Variants in KCNK2 observed in about 807,000 individuals in gnomAD.
KCNK2 encodes potassium two pore domain channel subfamily K member 2.
Under a neutral mutation model 40.5 loss-of-function variants are expected in KCNK2, and 21 were observed. The observed-to-expected ratio is 0.52, with a 90% CI of 0.37 to 0.75. The LOEUF (loss-of-function observed/expected upper bound fraction) is 0.75. KCNK2 is among the 30% of genes least tolerant of loss of function. KCNK2 has a pLI of 0.00. For synonymous variants in KCNK2, 191 were observed against 202.2 expected (o/e 0.94, Z 0.47); for missense variants, 399 against 531.6 (o/e 0.75, Z 2.45).
intron 6 of KCNK2, among the ~76,000 whole-genome samples, chr1:215,231,480 T>TAAC (rs1314380049): frequency 1.3e-5 from 2 of 152,172 alleles, no homozygotes; most frequent in African/African-American, 4.8e-5. Flanking sequence ...TTAAATATAT[T>TAAC]AACTTATTTG....
At chr1:215,089,247 A>G (rs368808719) in intron 2 of KCNK2, among the ~76,000 whole-genome samples, 2 of 152,210 alleles carry the variant, frequency 1.3e-5, no homozygotes, top group East Asian at 1.9e-4. Context: ...TTCGGATGAG[A>G]GTTCAGATCT....
intron 1 of KCNK2, among the ~76,000 whole-genome samples, chr1:215,065,717 G>T (rs1169128167): frequency 6.6e-6 from 1 of 152,172 alleles, no homozygotes; most frequent in South Asian, 2.1e-4. Context: ...ATCTTTATTA[G>T]ATGGCAAAAT....
intron 6 of KCNK2, among the ~76,000 whole-genome samples, chr1:215,227,463 A>T (rs1666429480): frequency 6.6e-6 from 1 of 152,184 alleles, no homozygotes; most frequent in Admixed American, 6.5e-5. Flanking sequence ...AACGTTCAGG[A>T]TGGCCCCCGA....
intron 5 of KCNK2, among the ~76,000 whole-genome samples, chr1:215,177,916 C>G (rs539019145): frequency 6.7e-6 from 1 of 150,342 alleles, no homozygotes; most frequent in Non-Finnish European, 1.5e-5. Flanking sequence ...TTGCGAAAAA[C>G]GATATTGGTA....
At chr1:215,077,401 A>G (rs1410347208) in intron 1 of KCNK2, among the ~76,000 whole-genome samples, 1 of 152,172 alleles carries the variant, frequency 6.6e-6, no homozygotes, top group Non-Finnish European at 1.5e-5. Context: ...CTGTTGATCT[A>G]CTGGCAACTC....
intron 6 of KCNK2, among the ~76,000 whole-genome samples, chr1:215,215,200 A>AT (rs5780820): frequency 1.6e-3 from 243 of 148,882 alleles, no homozygotes; most frequent in East Asian, 3.2e-3. Flanking sequence ...AGCTGGGGGG[A>AT]TTTTTTTTTT....
chr1:215,120,049 A>G (rs1156824925), intron 2 of KCNK2, among the ~76,000 whole-genome samples: 1 of 152,196 alleles, frequency 6.6e-6, no homozygotes, highest in Admixed American at 6.5e-5. Flanking sequence ...ACTCATTCTC[A>G]TAGTGATTTG....
At chr1:215,083,784 G>A in intron 1 of KCNK2, 1 of 369,290 alleles carries the variant, frequency 2.7e-6, no homozygotes, top group Non-Finnish European at 5.0e-6. Context: ...TTGCCTGGTG[G>A]GACAGGCAGT....
intron 2 of KCNK2, among the ~76,000 whole-genome samples, chr1:215,121,005 G>A (rs1371134385): frequency 1.3e-5 from 2 of 151,966 alleles, no homozygotes; most frequent in Admixed American, 1.3e-4. Context: ...TTAAACCATT[G>A]ATGACTTTAT....
chr1:215,094,975 A>G (rs12038773), intron 2 of KCNK2, among the ~76,000 whole-genome samples: 59,882 of 151,974 alleles, frequency 0.39, 14,976 homozygotes, highest in East Asian at 0.55. Context: ...AGTCTAAGCT[A>G]AAAACAAGAC....
intron 4 of KCNK2, 40 bp from the exon 5 acceptor site, chr1:215,171,957 C>CATAT: frequency 1.6e-6 from 2 of 1,215,600 alleles, no homozygotes; most frequent in Admixed American, 2.1e-5. Context: ...CATTTATATA[C>CATAT]ATATATATAT....
At chr1:215,074,768 AC>A (rs912087108) in intron 1 of KCNK2, among the ~76,000 whole-genome samples, 7 of 152,170 alleles carry the variant, frequency 4.6e-5, no homozygotes, top group Non-Finnish European at 8.8e-5. Context: ...TGGAGGATTT[AC>A]CTGTGATGCC....
At chr1:215,072,754 AAAT>A (rs1367363403) in intron 1 of KCNK2, among the ~76,000 whole-genome samples, 25 of 152,192 alleles carry the variant, frequency 1.6e-4, no homozygotes, top group African/African-American at 6.0e-4. Flanking sequence ...TTCATTTAAT[AAAT>A]AATGATTTTT....
At chr1:215,158,866 G>A (rs560038419) in intron 3 of KCNK2, among the ~76,000 whole-genome samples, 4 of 152,200 alleles carry the variant, frequency 2.6e-5, no homozygotes, top group Admixed American at 6.5e-5. Context: ...GTGAACCCAT[G>A]TCAAAATAGT....
chr1:215,187,539 T>TA (rs140608459), intron 5 of KCNK2, among the ~76,000 whole-genome samples: 18,900 of 149,302 alleles, frequency 0.13, 2,423 homozygotes, highest in African/African-American at 0.33. Context: ...GTCCAAGACT[T>TA]AAAAAAAAAA....
chr1:215,212,260 C>T (rs978762432), intron 6 of KCNK2, among the ~76,000 whole-genome samples: 2 of 152,100 alleles, frequency 1.3e-5, no homozygotes, highest in African/African-American at 2.4e-5. Context: ...GTCCTTAGGA[C>T]TCCCTGTTTT....
chr1:215,031,170 A>G (rs1245354660), intron 1 of KCNK2, among the ~76,000 whole-genome samples: 1 of 152,156 alleles, frequency 6.6e-6, no homozygotes. Context: ...GTCAGGGATT[A>G]TCAGTCCTCT....
chr1:215,010,851 A>ATT lies in KCNK2; in HGVS notation c.34+4913_34+4914dup, dbSNP rs66945279. The stretch of plus-strand genomic sequence containing the variant: ...AGGATTGTCTGCTCACAGGACACAG[A>ATT]TTTTTTTTTTTTTTTTTTGTGTGTG... On this transcript the variant is annotated intron_variant, in intron 1 of 6. Coordinates refer to the KCNK2 transcript ENST00000391895. 3.9e-3 allele frequency among the ~76,000 whole-genome samples: 494 copies of ATT among 125,346 alleles called. 3 individuals are homozygous for ATT. The highest frequency in any genetic ancestry group is 4.6e-3 in the Non-Finnish European group (277 of 59,976). 82.2% of individuals were successfully genotyped at this position (125,346 alleles called of 152,430 possible).
intron 1 of KCNK2, among the ~76,000 whole-genome samples, chr1:215,052,560 A>G (rs1053760889): frequency 2.6e-5 from 4 of 152,300 alleles, no homozygotes; most frequent in East Asian, 3.9e-4. Context: ...CTGAAAATGT[A>G]TGCTCACATT....
Sources: gnomAD v4.1 joint callset for allele counts (sites outside exome capture counted in the v4.1 genomes callset) on GRCh38, gnomAD v4.1.1 for gene constraint, MANE v1.5 for transcripts, NCBI Gene and HGNC (gene_info 2026-07-23, HGNC 2026-07-21) for gene names.